The following MSH3 variants were observed in gnomAD, a reference collection of about 807,000 sequenced individuals.
The protein encoded by MSH3 is mutS homolog 3.
In MSH3, 106 loss-of-function variants were observed where a neutral mutation model predicts 123.3. That is an observed-to-expected ratio of 0.86 (90% CI 0.73 to 1.01). The LOEUF (loss-of-function observed/expected upper bound fraction) is 1.01. Ranked by LOEUF, MSH3 falls within the 50% of genes least tolerant of loss-of-function variation. The probability of loss-of-function intolerance (pLI) is 0.00; values close to 1 mark genes in which losing one functional copy is unlikely to be tolerated. For missense variants in MSH3, 1,459 were observed against 1,347.6 expected (o/e 1.08, Z -1.29); for synonymous variants, 515 against 481.4 (o/e 1.07, Z -0.91).
chr5:80,848,001 G>A (rs953753895), intron 20 of MSH3, among the ~76,000 whole-genome samples: 12 of 152,202 alleles, frequency 7.9e-5, no homozygotes, highest in Admixed American at 1.3e-4. Context: ...GGAGGCTGAG[G>A]CTGGTGGATC....
chr5:80,672,685 G>C (rs1420033870), intron 5 of MSH3, 56 bp from the exon 6 acceptor site: 1 of 1,382,752 alleles, frequency 7.2e-7, no homozygotes, highest in Non-Finnish European at 1.0e-6. Flanking sequence ...TTCGAAATGA[G>C]TTTTTACAAG....
At chr5:80,819,568 C>T (rs1745168311) in intron 20 of MSH3, among the ~76,000 whole-genome samples, 2 of 151,104 alleles carry the variant, frequency 1.3e-5, no homozygotes, top group Admixed American at 6.6e-5. Context: ...CTCACTGCAA[C>T]CTCCGCCTCC....
chr5:80,733,138 G>A (rs1419634784), intron 10 of MSH3, among the ~76,000 whole-genome samples: 3 of 152,272 alleles, frequency 2.0e-5, no homozygotes, highest in Non-Finnish European at 2.9e-5. Context: ...CATAAGCACA[G>A]ACATGTGATC....
At chr5:80,732,607 C>T (rs1051074884) in intron 10 of MSH3, among the ~76,000 whole-genome samples, 1 of 152,096 alleles carries the variant, frequency 6.6e-6, no homozygotes, top group Non-Finnish European at 1.5e-5. Context: ...AAAGAAACTA[C>T]AGACCAGTAT....
intron 20 of MSH3, among the ~76,000 whole-genome samples, chr5:80,837,247 C>T (rs189661476): frequency 3.3e-5 from 5 of 152,208 alleles, no homozygotes; most frequent in African/African-American, 1.2e-4. Context: ...ACAGCTTCGA[C>T]CAAAGAGTGT....
intron 7 of MSH3, among the ~76,000 whole-genome samples, chr5:80,678,403 T>C (rs578204883): frequency 6.6e-6 from 1 of 152,354 alleles, no homozygotes; most frequent in African/African-American, 2.4e-5. Context: ...ATTCAGAGTT[T>C]GATAAAGTAT....
chr5:80,662,152 A>G (rs1436272941), intron 2 of MSH3, among the ~76,000 whole-genome samples: 1 of 152,232 alleles, frequency 6.6e-6, no homozygotes, highest in Non-Finnish European at 1.5e-5. Context: ...AGATACACAG[A>G]TACTTACCAT....
At chr5:80,850,468 C>T (rs1280454251) in intron 20 of MSH3, among the ~76,000 whole-genome samples, 2 of 152,236 alleles carry the variant, frequency 1.3e-5, no homozygotes, top group Non-Finnish European at 2.9e-5. Flanking sequence ...ACTGGACTTA[C>T]AGCTCCACAT....
At chr5:80,864,028 G>T (rs979121537) in intron 21 of MSH3, among the ~76,000 whole-genome samples, 1 of 152,212 alleles carries the variant, frequency 6.6e-6, no homozygotes, top group East Asian at 1.9e-4. Flanking sequence ...AAGAGACTTT[G>T]CAGGGCAATT....
chr5:80,833,036 A>G (rs1334939970), intron 20 of MSH3, among the ~76,000 whole-genome samples: 1 of 152,184 alleles, frequency 6.6e-6, no homozygotes, highest in Non-Finnish European at 1.5e-5. Flanking sequence ...AATTTCCATG[A>G]AAGTGTTTTT....
intron 8 of MSH3, among the ~76,000 whole-genome samples, chr5:80,690,826 T>A (rs1460759805): frequency 1.3e-5 from 2 of 152,072 alleles, no homozygotes; most frequent in Non-Finnish European, 2.9e-5. Context: ...ACTAACATTT[T>A]AAAAAAATAC....
intron 2 of MSH3, among the ~76,000 whole-genome samples, chr5:80,664,271 C>G (rs1749513175): frequency 6.6e-6 from 1 of 152,170 alleles, no homozygotes; most frequent in Non-Finnish European, 1.5e-5. Context: ...ATGCAGAAAG[C>G]ATATCATGGG....
At chr5:80,738,606 A>G (rs1197982839) in intron 10 of MSH3, among the ~76,000 whole-genome samples, 1 of 152,150 alleles carries the variant, frequency 6.6e-6, no homozygotes, top group Non-Finnish European at 1.5e-5. Context: ...ATTTCTGGAC[A>G]GCCCACAAAC....
intron 20 of MSH3, among the ~76,000 whole-genome samples, chr5:80,838,714 A>G (rs1161332968): frequency 6.6e-6 from 1 of 152,090 alleles, no homozygotes. Context: ...CTTTTTACAG[A>G]CAAGGAAGCT....
At chr5:80,703,859 C>CT (rs1311500753) in intron 8 of MSH3, among the ~76,000 whole-genome samples, 1 of 151,742 alleles carries the variant, frequency 6.6e-6, no homozygotes. Context: ...AACACTAAAT[C>CT]TAAGTGCAGA....
At chr5:80,702,889 G>A (rs1017776181) in intron 8 of MSH3, among the ~76,000 whole-genome samples, 4 of 152,148 alleles carry the variant, frequency 2.6e-5, no homozygotes, top group Admixed American at 6.5e-5. Flanking sequence ...GCAAGCAGCT[G>A]TAGTCCCAGC....
chr5:80,680,038 G>A (rs1749939054), intron 8 of MSH3, among the ~76,000 whole-genome samples: 1 of 151,894 alleles, frequency 6.6e-6, no homozygotes, highest in East Asian at 1.9e-4. Context: ...GAGGCGGGTG[G>A]ATCACCTGAG....
intron 20 of MSH3, among the ~76,000 whole-genome samples, chr5:80,843,236 G>GC (rs1476827872): frequency 6.6e-6 from 1 of 152,188 alleles, no homozygotes; most frequent in Non-Finnish European, 1.5e-5. Context: ...AAGCAGCCTT[G>GC]CATCCCATAG....
At chr5:80,687,900 C>G (rs554783979) in intron 8 of MSH3, among the ~76,000 whole-genome samples, 1 of 152,152 alleles carries the variant, frequency 6.6e-6, no homozygotes, top group African/African-American at 2.4e-5. Flanking sequence ...AGAATCAGAT[C>G]AAGGAGCTTA....
Sources: gnomAD v4.1 joint callset for allele counts (sites outside exome capture counted in the v4.1 genomes callset) on GRCh38, gnomAD v4.1.1 for gene constraint, MANE v1.5 for transcripts, NCBI Gene and HGNC (gene_info 2026-07-23, HGNC 2026-07-21) for gene names.